The following KRT8 variants were observed in gnomAD, a reference collection of about 807,000 sequenced individuals.
KRT8 encodes keratin, type II cytoskeletal 8.
Under a neutral mutation model 43.0 loss-of-function variants are expected in KRT8, and 24 were observed. That is an observed-to-expected ratio of 0.56 (90% confidence interval 0.40 to 0.78). The LOEUF is 0.78. Ranked by LOEUF, KRT8 falls within the 30% of genes least tolerant of loss-of-function variation. KRT8 has a pLI of 0.00. For synonymous variants in KRT8, 214 were observed against 261.2 expected, an observed-to-expected ratio of 0.82 and a Z score of 1.74; for missense variants, 492 against 638.4, an observed-to-expected ratio of 0.77 and a Z score of 2.47.
At chr12:52,927,784 ACAGGGAGTGCTCAGC>A (rs1206588986) in intron 2 of KRT8, among the ~76,000 whole-genome samples, 2 of 152,194 alleles carry the variant, frequency 1.3e-5, no homozygotes, top group Admixed American at 6.5e-5. Flanking sequence ...AGCCTCTAGA[ACAGGGAGTGCTCAGC>A]CAGGCGCGAT....
chr12:52,924,432 G>A (rs957455531), intron 2 of KRT8, among the ~76,000 whole-genome samples: 7 of 148,050 alleles, frequency 4.7e-5, no homozygotes, highest in Non-Finnish European at 1.0e-4. Context: ...CTGGGCGACA[G>A]AGGGAGACTC....
chr12:52,912,968 T>C (rs577191169), intron 2 of KRT8, among the ~76,000 whole-genome samples: 28 of 152,224 alleles, frequency 1.8e-4, no homozygotes, highest in Non-Finnish European at 3.7e-4. Flanking sequence ...AGCAACCTGG[T>C]TTTGTGAAAT....
chr12:52,898,749 T>C (rs767003605), exon 6 of KRT8: 1 of 1,614,210 alleles, frequency 6.2e-7, no homozygotes, highest in Non-Finnish European at 8.5e-7. Flanking sequence ...TTGACGTTCA[T>C]CAGCTCCTGG....
At chr12:52,904,746 T>G in exon 1 of KRT8, 1 of 1,612,724 alleles carries the variant, frequency 6.2e-7, no homozygotes, top group Non-Finnish European at 8.5e-7. Context: ...GGGGTCCACC[T>G]CCAGGACAAG....
upstream of KRT8, among the ~76,000 whole-genome samples, chr12:52,905,724 CACACACACACACACACACACAT>C (rs1941500729): frequency 8.2e-6 from 1 of 121,708 alleles, no homozygotes; most frequent in Non-Finnish European, 1.7e-5. Context: ...CACACGCGCA[CACACACACACACACACACACAT>C]ACACATACAC....
chr12:52,899,412 A>C (rs146517081), intron 5 of KRT8, among the ~76,000 whole-genome samples: 145 of 152,226 alleles, frequency 9.5e-4, no homozygotes, highest in African/African-American at 3.3e-3. Flanking sequence ...CACCTGCGAC[A>C]CTGTAAGGTC....
At position 52,898,443 on chromosome 12, in the gene KRT8, G is replaced by T; in HGVS notation, c.1261+18C>A. 2 of 1,611,488 alleles carry T rather than the reference G, an allele frequency of 1.2e-6. No individual in the cohort carries two copies. Among genetic ancestry groups the T allele is most frequent in the Non-Finnish European group, 1.7e-6 (2 of 1,178,854 alleles). ...GGCCCTGCCTCCCGCCCTCATCCCA[G>T]GGCCCTGGGACACCCACCTGCATAG... On this transcript the variant is annotated intron_variant, in intron 7 of 7. Transcript: ENST00000692008.
chr12:52,905,184 C>T, upstream of KRT8: 1 of 939,072 alleles, frequency 1.1e-6, no homozygotes, highest in Non-Finnish European at 1.5e-6. Context: ...CTGCCACCTC[C>T]GGGCAGGACT....
At chr12:52,916,666 C>T (rs1941746671) in intron 2 of KRT8, among the ~76,000 whole-genome samples, 1 of 152,178 alleles carries the variant, frequency 6.6e-6, no homozygotes, top group South Asian at 2.1e-4. Context: ...TTATACTTGC[C>T]TCCTTAGCTT....
intron 2 of KRT8, chr12:52,926,332 G>GGCCCCCCCCCCCCCCCC: frequency 1.2e-5 from 7 of 600,260 alleles, no homozygotes; most frequent in East Asian, 3.3e-5. Context: ...GGCACTAGCT[G>GGCCCCCCCCCCCCCCCC]CCCTCCCCAC....
At chr12:52,949,707 G>T (rs1156706093) in intron 1 of KRT8, 1 of 948,948 alleles carries the variant, frequency 1.1e-6, no homozygotes, top group Admixed American at 2.0e-5. Context: ...GGAGGGGGTT[G>T]GGCATACCTG....
At chr12:52,911,117 C>T (rs542416172), upstream of KRT8, among the ~76,000 whole-genome samples, 157 of 151,910 alleles carry the variant, frequency 1.0e-3, no homozygotes, top group African/African-American at 3.5e-3. Context: ...TTTGGGAGGC[C>T]GAGGCGGGCT....
At chr12:52,918,205 C>CAAGAAGAAGAAGAAGAAGAAGAAGAAG (rs371624304) in intron 2 of KRT8, among the ~76,000 whole-genome samples, 3 of 116,574 alleles carry the variant, frequency 2.6e-5, no homozygotes, top group South Asian at 3.0e-4. Flanking sequence ...AGAAGAAGAA[C>CAAGAAGAAGAAGAAGAAGAAGAAGAAG]AAGAAGAAGA....
chr12:52,920,723 A>T (rs1941865946), intron 2 of KRT8, among the ~76,000 whole-genome samples: 1 of 152,058 alleles, frequency 6.6e-6, no homozygotes, highest in Non-Finnish European at 1.5e-5. Flanking sequence ...ACGAATTCAC[A>T]AATGGCTGAA....
At chr12:52,908,156 T>C (rs1046470803), upstream of KRT8, among the ~76,000 whole-genome samples, 1 of 152,098 alleles carries the variant, frequency 6.6e-6, no homozygotes, top group Non-Finnish European at 1.5e-5. Context: ...CATTAAGTCT[T>C]GGGGCCAGTG....
rs748771942 is a variant in KRT8 at position 52,897,546 on chromosome 12, G to A, written c.1334C>T (p.Ser445Phe). 4.4e-6 allele frequency: 7 copies of A among 1,591,712 alleles called. No individual in the cohort carries two copies. In the African/African-American group the frequency reaches 9.4e-5, roughly 21 times the overall value. The change falls in exon 8 of 8, where the codon TCT becomes TTT. Residue 445 changes from serine (S) to phenylalanine (F), a missense_variant. Ser to Phe is a radical substitution (Grantham distance 155). Around this residue, in one of 3 missense-constraint regions of KRT8, gnomAD observed 389 missense variants for 485.7 expected, o/e 0.80. Coordinates refer to ENST00000692008, the Ensembl canonical transcript of KRT8. ...GCTGAAGGAGCTGGAGCCCGCGCCAGAGCCAAAGCTGGAGCCCAGGCTGTA... is the reference window on the plus strand; with the variant it reads ...GCTGAAGGAGCTGGAGCCCGCGCCAAAGCCAAAGCTGGAGCCCAGGCTGTA...
chr12:52,918,180 G>GAAGAAGAAGAAGAAGAAGAAGGA, intron 2 of KRT8, among the ~76,000 whole-genome samples: 4 of 73,718 alleles, frequency 5.4e-5, no homozygotes, highest in African/African-American at 1.8e-4. Flanking sequence ...AAGAGGAAGA[G>GAAGAAGAAGAAGAAGAAGAAGGA]GAAGAAGAAG....
chr12:52,947,476 TA>T (rs1942364507), intron 2 of KRT8: 1 of 151,860 alleles, frequency 6.6e-6, no homozygotes. Context: ...TACTTTTATT[TA>T]TTTATTTATT....
At chr12:52,898,931 G>C in intron 5 of KRT8, 32 bp from the exon 6 acceptor site, 2 of 1,599,578 alleles carry the variant, frequency 1.3e-6, no homozygotes, top group Non-Finnish European at 1.7e-6. Flanking sequence ...AGTAGGTCAG[G>C]TTGGGTATGC....
Sources: gnomAD v4.1 joint callset for allele counts (sites outside exome capture counted in the v4.1 genomes callset) on GRCh38, gnomAD v4.1.1 for gene constraint, gnomAD v4.1.1 regional missense constraint, MANE v1.5 for transcripts, NCBI Gene and HGNC (gene_info 2026-07-23, HGNC 2026-07-21) for gene names.